Variants in KLHDC10 observed in about 807,000 individuals in gnomAD.
KLHDC10 encodes the protein kelch domain containing 10.
A neutral mutation model predicts 56.1 loss-of-function variants in KLHDC10; 24 were observed. The ratio of observed to expected loss-of-function variants is 0.43; its 90% CI spans 0.31 to 0.60. KLHDC10 has a LOEUF of 0.60. KLHDC10 is among the 20% of genes least tolerant of loss of function. The pLI is 0.11. For missense variants in KLHDC10, 349 were observed against 567.0 expected, an observed-to-expected ratio of 0.62 and a Z score of 3.91; for synonymous variants, 188 against 207.1, an observed-to-expected ratio of 0.91 and a Z score of 0.79.
At position 130,135,110 on chromosome 7, in the gene KLHDC10, A is replaced by G. The variant is rs1218626878; in HGVS notation, c.*4364A>G. Reference sequence around the variant, plus strand: ...TAATTTGAAAAAAAAAAAAAAAAAAAAACAACTTTTTATAAGTTTTTTAAG... The same window carrying G: ...TAATTTGAAAAAAAAAAAAAAAAAAGAACAACTTTTTATAAGTTTTTTAAG... On this transcript the variant is annotated 3_prime_UTR_variant, in exon 10 of 10. Transcript: ENST00000335420. 7.1e-6 allele frequency: 1 copy of G among 140,602 alleles called. No homozygotes were observed. The highest frequency in any genetic ancestry group is 1.6e-5 in the Non-Finnish European group (1 of 62,490). The allele number at this position is 140,602 out of a possible 1,614,324, so 8.7% of individuals were successfully genotyped here.
chr7:130,126,841 C>T (rs1437421201), intron 7 of KLHDC10, among the ~76,000 whole-genome samples: 1 of 152,050 alleles, frequency 6.6e-6, no homozygotes, highest in African/African-American at 2.4e-5. Context: ...GATCTACCGG[C>T]TGGGTATGGT....
At chr7:130,086,975 T>C (rs1158873089) in intron 1 of KLHDC10, among the ~76,000 whole-genome samples, 1 of 152,272 alleles carries the variant, frequency 6.6e-6, no homozygotes, top group Non-Finnish European at 1.5e-5. Flanking sequence ...CAGGGATTTA[T>C]ATAAACATTT....
chr7:130,094,098 A>G (rs1049395724), intron 1 of KLHDC10, among the ~76,000 whole-genome samples: 2 of 151,356 alleles, frequency 1.3e-5, no homozygotes, highest in African/African-American at 4.9e-5. Context: ...TAATTTTTAT[A>G]TATTTTTAGT....
chr7:130,106,943 C>G (rs1796015328), intron 2 of KLHDC10, among the ~76,000 whole-genome samples: 1 of 152,152 alleles, frequency 6.6e-6, no homozygotes, highest in Non-Finnish European at 1.5e-5. Flanking sequence ...TACGTTCCAG[C>G]CTGGGCAATA....
chr7:130,110,883 T>C (rs992362710), intron 2 of KLHDC10, among the ~76,000 whole-genome samples: 1 of 152,234 alleles, frequency 6.6e-6, no homozygotes, highest in African/African-American at 2.4e-5. Flanking sequence ...GTAAATGTTA[T>C]GTACTACTTT....
rs565556773 is a variant in KLHDC10, at chr7:130,097,066, A to T, written c.253+59A>T. 589 of 1,174,424 alleles carry T rather than the reference A, an allele frequency of 5.0e-4. No individual in the cohort carries two copies. Among genetic ancestry groups the T allele is most frequent in the Non-Finnish European group, 6.8e-4 (567 of 830,728 alleles). 72.8% of individuals were successfully genotyped at this position (1,174,424 alleles called of 1,614,324 possible). On this transcript the variant is annotated intron_variant, in intron 2 of 9. Coordinates refer to ENST00000335420, the MANE Select transcript of KLHDC10 (RefSeq NM_014997.4). The stretch of plus-strand genomic sequence containing the variant: ...TATGGGTTAAAGGGAACTTTGAATG[A>T]ATTTTCTAAGCTCAAAACTCTGGTT...
In KLHDC10 at chr7:130,116,301, T is replaced by A. The variant is rs762092228; in HGVS notation, c.254-144T>A. On this transcript the variant is annotated intron_variant, in intron 2 of 9. Transcript: ENST00000335420. This position sits in a 1 kb window ranked among gnomAD's most constrained non-coding sequence, Gnocchi z 4.8. ...AGTATTATTAGGAAGTATATCCATG[T>A]TATAAATCTAAACAAATAAGAAGTA... 3 of 626,494 alleles carry A rather than the reference T, an allele frequency of 4.8e-6. No homozygotes were observed. The highest frequency in any genetic ancestry group is 8.5e-6 in the Non-Finnish European group (3 of 354,092). 38.8% of individuals were successfully genotyped at this position (626,494 alleles called of 1,614,324 possible).
intron 1 of KLHDC10, among the ~76,000 whole-genome samples, chr7:130,079,834 C>T (rs1795575218): frequency 6.8e-6 from 1 of 147,058 alleles, no homozygotes; most frequent in Non-Finnish European, 1.5e-5. Flanking sequence ...CCCTGCCTCC[C>T]TTTCTCGCTT....
chr7:130,072,821 A>G (rs1795436506), intron 1 of KLHDC10, among the ~76,000 whole-genome samples: 1 of 151,450 alleles, frequency 6.6e-6, no homozygotes, highest in African/African-American at 2.4e-5. Flanking sequence ...CAGTGTCGCG[A>G]TCTCGGCTCA....
At chr7:130,108,002 A>T (rs1292637781) in intron 2 of KLHDC10, among the ~76,000 whole-genome samples, 14 of 150,104 alleles carry the variant, frequency 9.3e-5, no homozygotes, top group Non-Finnish European at 2.1e-4. Flanking sequence ...GGGACAGAGC[A>T]AGACTCCGTC....
intron 6 of KLHDC10, 34 bp downstream of exon 6, chr7:130,124,569 G>A (rs62491326): frequency 0.064 from 70,624 of 1,110,442 alleles, 2,803 homozygotes; most frequent in Middle Eastern, 0.14. Context: ...AAGGGAGAGG[G>A]AGAAGGATAG....
intron 2 of KLHDC10, among the ~76,000 whole-genome samples, chr7:130,113,853 C>T (rs1199647749): frequency 6.6e-6 from 1 of 152,172 alleles, no homozygotes; most frequent in Non-Finnish European, 1.5e-5. Context: ...TATCTGTTGG[C>T]TTCAGGTAAT....
chr7:130,070,954 A>G, intron 1 of KLHDC10, 145 bp downstream of exon 1: 2 of 498,572 alleles, frequency 4.0e-6, no homozygotes. Flanking sequence ...AGAAAAGGGA[A>G]GGTGTCTTTG....
chr7:130,129,291 A>G, intron 8 of KLHDC10, 146 bp from the exon 9 acceptor site: 1 of 775,056 alleles, frequency 1.3e-6, no homozygotes, highest in Non-Finnish European at 2.1e-6. Context: ...CAACAGCATG[A>G]GAGGCTGCAC....
chr7:130,093,333 C>T (rs1053603871), intron 1 of KLHDC10, among the ~76,000 whole-genome samples: 1 of 150,956 alleles, frequency 6.6e-6, no homozygotes, highest in African/African-American at 2.5e-5. Flanking sequence ...AAGCAGTTCT[C>T]CTGCCTCAGC....
intron 3 of KLHDC10, among the ~76,000 whole-genome samples, chr7:130,119,369 A>T (rs1357251032): frequency 6.6e-6 from 1 of 151,450 alleles, no homozygotes; most frequent in Non-Finnish European, 1.5e-5. Flanking sequence ...AAAGTTAGCC[A>T]GGCATGGTGG....
intron 5 of KLHDC10, among the ~76,000 whole-genome samples, chr7:130,122,983 A>G (rs1390796824): frequency 1.3e-5 from 2 of 151,870 alleles, no homozygotes; most frequent in East Asian, 3.9e-4. Flanking sequence ...GGAAGCTTGC[A>G]TGGATGGATG....
intron 1 of KLHDC10, among the ~76,000 whole-genome samples, chr7:130,086,683 T>C (rs1438244344): frequency 6.6e-6 from 1 of 152,244 alleles, no homozygotes; most frequent in Non-Finnish European, 1.5e-5. Context: ...ACTTATCTCA[T>C]GCTTCTTCAT....
At position 130,077,509 on chromosome 7, in the gene KLHDC10, G is replaced by A. The variant is rs1795527862; in HGVS notation, c.166+6700G>A. Among the ~76,000 whole-genome samples the A allele has an allele frequency of 2.7e-5, 4 of 148,558 alleles. No homozygotes were observed. The South Asian group carries it at 8.6e-4, about 32-fold the overall frequency. ...TTCCTTGGTGTTTATCTTGTTTGTT[G>A]CTATTGTAAATGGGGTTTCTACTAC... On this transcript the variant is annotated intron_variant, in intron 1 of 9. Transcript: ENST00000335420.
Sources: gnomAD v4.1 joint callset for allele counts (sites outside exome capture counted in the v4.1 genomes callset) on GRCh38, gnomAD v4.1.1 for gene constraint, Gnocchi (gnomAD v3.1) non-coding constraint, MANE v1.5 for transcripts, NCBI Gene and HGNC (gene_info 2026-07-23, HGNC 2026-07-21) for gene names.